LSAMP: variants seen among roughly 807,000 people sequenced by gnomAD.
LSAMP encodes the protein limbic system-associated membrane protein.
Under a neutral mutation model 38.6 loss-of-function variants are expected in LSAMP, and 7 were observed. The observed-to-expected ratio is 0.18, with a 90% CI of 0.10 to 0.34. The LOEUF is 0.34. LSAMP is among the 10% of genes least tolerant of loss of function. The pLI, the probability that LSAMP is intolerant of heterozygous loss-of-function variation, is 1.00. For missense variants in LSAMP, 313 were observed against 420.0 expected, an observed-to-expected ratio of 0.75 and a Z score of 2.23; for synonymous variants, 154 against 166.8, an observed-to-expected ratio of 0.92 and a Z score of 0.59.
intron 2 of LSAMP, among the ~76,000 whole-genome samples, chr3:116,057,862 C>T (rs930097987): frequency 1.3e-5 from 2 of 151,090 alleles, no homozygotes; most frequent in African/African-American, 4.9e-5. Flanking sequence ...TCATTCACTC[C>T]AAAAAATTAA....
intron 3 of LSAMP, among the ~76,000 whole-genome samples, chr3:115,932,859 GC>G (rs1204835098): frequency 3.9e-5 from 6 of 152,130 alleles, no homozygotes; most frequent in African/African-American, 1.2e-4. Flanking sequence ...GAGAGTAATG[GC>G]CAAGGAATAT....
intron 1 of LSAMP, among the ~76,000 whole-genome samples, chr3:116,188,196 T>A (rs1355417787): frequency 6.6e-6 from 1 of 152,166 alleles, no homozygotes; most frequent in African/African-American, 2.4e-5. Flanking sequence ...GTGGGAGTTC[T>A]TTGCCTCACT....
At chr3:116,194,406 TTTGTTTGA>T (rs1710829351) in intron 1 of LSAMP, among the ~76,000 whole-genome samples, 1 of 150,624 alleles carries the variant, frequency 6.6e-6, no homozygotes, top group Non-Finnish European at 1.5e-5. Flanking sequence ...TGTTTGTTTG[TTTGTTTGA>T]GTCAGAGTCT....
At chr3:116,113,647 G>A (rs535049543) in intron 1 of LSAMP, among the ~76,000 whole-genome samples, 3 of 151,532 alleles carry the variant, frequency 2.0e-5, no homozygotes, top group African/African-American at 7.3e-5. Context: ...GGATGGTCTC[G>A]ATCTCCTGGC....
intron 1 of LSAMP, among the ~76,000 whole-genome samples, chr3:116,318,135 CAAAA>C (rs373392802): frequency 9.8e-6 from 1 of 101,726 alleles, no homozygotes. Flanking sequence ...GACTCCATCT[CAAAA>C]AAAAAAAAAA....
chr3:116,024,942 C>A (rs1469666591), intron 2 of LSAMP, among the ~76,000 whole-genome samples: 1 of 151,884 alleles, frequency 6.6e-6, no homozygotes, highest in Non-Finnish European at 1.5e-5. Context: ...AAACTTTACT[C>A]TTCCTCTAGA....
At chr3:116,040,593 G>T (rs1000412855) in intron 2 of LSAMP, among the ~76,000 whole-genome samples, 5 of 152,168 alleles carry the variant, frequency 3.3e-5, no homozygotes, top group Non-Finnish European at 5.9e-5. Flanking sequence ...TTCCACAAAA[G>T]AAGTGAACAT....
chr3:115,862,883 T>A (rs1935748550), intron 3 of LSAMP, among the ~76,000 whole-genome samples: 1 of 152,170 alleles, frequency 6.6e-6, no homozygotes, highest in Non-Finnish European at 1.5e-5. Context: ...GGGTCCCAGC[T>A]GCAGTGTCAG....
intron 1 of LSAMP, among the ~76,000 whole-genome samples, chr3:116,137,102 A>G (rs1709267476): frequency 6.6e-6 from 1 of 151,958 alleles, no homozygotes; most frequent in South Asian, 2.1e-4. Flanking sequence ...TAGCATTCCA[A>G]TTGCTGCTGG....
chr3:116,382,015 T>C (rs938958268), intron 1 of LSAMP, among the ~76,000 whole-genome samples: 1 of 152,130 alleles, frequency 6.6e-6, no homozygotes, highest in East Asian at 1.9e-4. Flanking sequence ...AAAGAACATA[T>C]AGCTAAGAGA....
chr3:116,119,616 TTATA>T (rs1708830148), intron 1 of LSAMP, among the ~76,000 whole-genome samples: 1 of 151,980 alleles, frequency 6.6e-6, no homozygotes, highest in South Asian at 2.1e-4. Context: ...ACATAATCAT[TTATA>T]TAAGTTACTA....
At chr3:116,394,336 TATA>T (rs750271621) in intron 1 of LSAMP, among the ~76,000 whole-genome samples, 1 of 152,226 alleles carries the variant, frequency 6.6e-6, no homozygotes, top group Non-Finnish European at 1.5e-5. Context: ...TATCTGTGAT[TATA>T]ATAACATTGA....
intron 1 of LSAMP, among the ~76,000 whole-genome samples, chr3:116,162,766 T>TAC (rs1491281013): frequency 2.3e-3 from 89 of 38,230 alleles, no homozygotes; most frequent in Non-Finnish European, 3.8e-3. Context: ...TACACACACT[T>TAC]ATACACACAC....
intron 1 of LSAMP, among the ~76,000 whole-genome samples, chr3:116,225,095 T>C (rs2046328174): frequency 6.6e-6 from 1 of 152,162 alleles, no homozygotes; most frequent in Admixed American, 6.5e-5. Context: ...ATGGACAATG[T>C]GTAGATTCAC....
In LSAMP at chr3:115,810,255, C is replaced by T; in HGVS notation, c.*62G>A. On this transcript the variant is annotated 3_prime_UTR_variant, in exon 7 of 7. Transcript: ENST00000490035. ...TCTCTCTCTCTCTCTGTCTCTCTCT[C>T]TCTGTATTCTGTGTGACGCATTTTT... 6.0e-6 allele frequency: 7 copies of T among 1,161,632 alleles called. No individual in the cohort carries two copies. The highest frequency in any genetic ancestry group is 7.5e-6 in the Non-Finnish European group (6 of 803,096). The allele number at this position is 1,161,632 out of a possible 1,614,324, so 72.0% of individuals were successfully genotyped here. A position where few individuals can be genotyped will look rare whatever the true frequency, so the allele number is the denominator to read the frequency against.
intron 6 of LSAMP, among the ~76,000 whole-genome samples, chr3:115,833,019 A>G (rs1332248246): frequency 6.6e-6 from 1 of 152,198 alleles, no homozygotes; most frequent in Non-Finnish European, 1.5e-5. Context: ...TGGCTGCAGA[A>G]CTGCTCTCAC....
At chr3:116,355,537 C>A (rs139156038) in intron 1 of LSAMP, among the ~76,000 whole-genome samples, 233 of 152,232 alleles carry the variant, frequency 1.5e-3, no homozygotes, top group African/African-American at 5.3e-3. Context: ...GCAAAAATTT[C>A]TTGAGTAATA....
intron 1 of LSAMP, among the ~76,000 whole-genome samples, chr3:116,399,322 A>T (rs967134858): frequency 5.9e-5 from 9 of 152,226 alleles, no homozygotes; most frequent in Non-Finnish European, 1.5e-5. Context: ...TGGAGGGGCA[A>T]CACAGAGCAT....
chr3:116,214,499 CTTTT>C (rs59630662), intron 1 of LSAMP, among the ~76,000 whole-genome samples: 18 of 103,252 alleles, frequency 1.7e-4, no homozygotes, highest in African/African-American at 5.5e-4. Flanking sequence ...AAAAATGGGT[CTTTT>C]TTTTTTTTTT....
Sources: allele counts gnomAD v4.1 joint callset (sites outside exome capture counted in the v4.1 genomes callset), GRCh38; gene constraint gnomAD v4.1.1; transcripts MANE v1.5; gene names NCBI Gene and HGNC (gene_info 2026-07-23, HGNC 2026-07-21).